The following NAA11 variants were observed in gnomAD, a reference collection of about 807,000 sequenced individuals.
NAA11 encodes N-alpha-acetyltransferase 11, NatA catalytic subunit.
In NAA11, 15 loss-of-function variants were observed where a neutral mutation model predicts 16.1. That is an observed-to-expected ratio of 0.93 (90% CI 0.62 to 1.44). The LOEUF (loss-of-function observed/expected upper bound fraction) is 1.44. NAA11 is among the 40% of genes most tolerant of loss of function. NAA11 has a pLI of 0.00. For missense variants in NAA11, 298 were observed against 291.3 expected, an observed-to-expected ratio of 1.02 and a Z score of -0.17; for synonymous variants, 122 against 112.4, an observed-to-expected ratio of 1.09 and a Z score of -0.54.
chr4:79,175,740 C>T, the NAA11 span, among the ~76,000 whole-genome samples: 1 of 86,144 alleles, frequency 1.2e-5, no homozygotes. Context: ...GAGGTAATCA[C>T]TGTAAAAAAA....
the NAA11 span, among the ~76,000 whole-genome samples, chr4:79,194,593 C>T: frequency 5.5e-4 from 84 of 152,012 alleles, 1 homozygote; most frequent in South Asian, 0.015. Context: ...AACTAAAAGG[C>T]CTGATTTGGA....
At chr4:79,293,729 C>A (rs1300866808) in intron 2 of NAA11, among the ~76,000 whole-genome samples, 1 of 152,078 alleles carries the variant, frequency 6.6e-6, no homozygotes, top group Non-Finnish European at 1.5e-5. Flanking sequence ...ATCGAATGAC[C>A]AACTGGTCCA....
intron 1 of NAA11, among the ~76,000 whole-genome samples, chr4:79,318,767 T>C (rs1472263374): frequency 6.6e-6 from 1 of 152,240 alleles, no homozygotes; most frequent in Non-Finnish European, 1.5e-5. Context: ...AAAGAAGTTA[T>C]ATAGCTGTTT....
At chr4:79,290,935 A>G (rs1723064797) in intron 2 of NAA11, among the ~76,000 whole-genome samples, 1 of 152,190 alleles carries the variant, frequency 6.6e-6, no homozygotes, top group Non-Finnish European at 1.5e-5. Flanking sequence ...TAATTTTAAG[A>G]TATTTCTATC....
chr4:79,190,276 A>G, the NAA11 span, among the ~76,000 whole-genome samples: 2 of 152,354 alleles, frequency 1.3e-5, no homozygotes, highest in African/African-American at 2.4e-5. Context: ...ATTTTTTCAC[A>G]GAGATGAGAT....
intron 1 of NAA11, among the ~76,000 whole-genome samples, chr4:79,303,493 T>A (rs899217211): frequency 3.7e-4 from 56 of 151,978 alleles, no homozygotes; most frequent in African/African-American, 1.3e-3. Context: ...CAAGATAACA[T>A]AGTGGGAGAA....
At chr4:79,189,300 G>A in the NAA11 span, among the ~76,000 whole-genome samples, 1 of 152,160 alleles carries the variant, frequency 6.6e-6, no homozygotes, top group South Asian at 2.1e-4. Flanking sequence ...GATCCAAAGG[G>A]TCTAATGGAT....
chr4:79,161,117 G>A, the NAA11 span, among the ~76,000 whole-genome samples: 1 of 152,138 alleles, frequency 6.6e-6, no homozygotes, highest in Non-Finnish European at 1.5e-5. Flanking sequence ...TGTCTATGTT[G>A]TGAAGTAGGT....
At chr4:79,192,021 A>C in the NAA11 span, among the ~76,000 whole-genome samples, 4 of 152,072 alleles carry the variant, frequency 2.6e-5, no homozygotes, top group East Asian at 7.7e-4. Flanking sequence ...TGAACTTTCT[A>C]TTCTGTTTCA....
At chr4:79,172,744 C>T in the NAA11 span, among the ~76,000 whole-genome samples, 1 of 152,026 alleles carries the variant, frequency 6.6e-6, no homozygotes, top group African/African-American at 2.4e-5. Flanking sequence ...TGTAAAACAC[C>T]CTACCTCACC....
chr4:79,233,697 A>G (rs183795394), intron 2 of NAA11, among the ~76,000 whole-genome samples: 17 of 152,210 alleles, frequency 1.1e-4, no homozygotes, highest in African/African-American at 4.1e-4. Context: ...CCTCTGGTAT[A>G]TAAAATTTAG....
At chr4:79,187,019 G>A in the NAA11 span, among the ~76,000 whole-genome samples, 3 of 152,150 alleles carry the variant, frequency 2.0e-5, no homozygotes, top group Non-Finnish European at 4.4e-5. Context: ...GTAAGGTTGA[G>A]TGCATATTCT....
chr4:79,162,255 G>A, the NAA11 span, among the ~76,000 whole-genome samples: 3 of 152,154 alleles, frequency 2.0e-5, no homozygotes, highest in Non-Finnish European at 4.4e-5. Context: ...AAAGCTTCTA[G>A]GTTGGGAAAG....
At chr4:79,293,722 G>A (rs1238089024) in intron 2 of NAA11, among the ~76,000 whole-genome samples, 2 of 152,082 alleles carry the variant, frequency 1.3e-5, no homozygotes, top group African/African-American at 2.4e-5. Context: ...GTGAGAAATC[G>A]AATGACCAAC....
At chr4:79,193,480 G>T in the NAA11 span, among the ~76,000 whole-genome samples, 1 of 152,224 alleles carries the variant, frequency 6.6e-6, no homozygotes, top group East Asian at 1.9e-4. Context: ...TATTAAATAG[G>T]GAATCGTTTC....
chr4:79,268,664 T>C (rs1722405694), intron 2 of NAA11, among the ~76,000 whole-genome samples: 1 of 151,894 alleles, frequency 6.6e-6, no homozygotes, highest in African/African-American at 2.4e-5. Flanking sequence ...TTTCTTCCTC[T>C]AAATTGAACT....
the NAA11 span, among the ~76,000 whole-genome samples, chr4:79,184,475 A>C: frequency 6.6e-6 from 1 of 152,332 alleles, no homozygotes; most frequent in East Asian, 1.9e-4. Flanking sequence ...TGAAGCACTC[A>C]GTAAGTAATA....
At chr4:79,283,493 A>AT (rs1651698697) in intron 2 of NAA11, among the ~76,000 whole-genome samples, 1 of 152,084 alleles carries the variant, frequency 6.6e-6, no homozygotes, top group Non-Finnish European at 1.5e-5. Context: ...ATGCAGGTAG[A>AT]TTGGTATATT....
the NAA11 span, among the ~76,000 whole-genome samples, chr4:79,191,923 A>G: frequency 2.0e-5 from 3 of 152,274 alleles, no homozygotes; most frequent in South Asian, 2.1e-4. Context: ...TCCCAGCACC[A>G]TTTATTGAAC....
Sources: gnomAD v4.1 joint callset for allele counts (sites outside exome capture counted in the v4.1 genomes callset) on GRCh38, gnomAD v4.1.1 for gene constraint, MANE v1.5 for transcripts, NCBI Gene and HGNC (gene_info 2026-07-23, HGNC 2026-07-21) for gene names.